Variants in RABL2A observed in about 807,000 individuals in gnomAD.
RABL2A encodes the protein rab-like protein 2A.
In RABL2A, 17 loss-of-function variants were observed where a neutral mutation model predicts 30.7. The ratio of observed to expected loss-of-function variants is 0.55; its 90% CI spans 0.38 to 0.83. The LOEUF (loss-of-function observed/expected upper bound fraction) is 0.83. Among genes scored for constraint, RABL2A ranks in the 40% least tolerant of loss-of-function variants. The probability of loss-of-function intolerance (pLI) is 0.00; values close to 1 mark genes in which losing one functional copy is unlikely to be tolerated. For synonymous variants in RABL2A, 64 were observed against 101.8 expected (o/e 0.63, Z 2.24); for missense variants, 155 against 272.6 (o/e 0.57, Z 3.04).
At chr2:113,639,636 C>T (rs1249630674) in intron 5 of RABL2A, among the ~76,000 whole-genome samples, 39 of 130,994 alleles carry the variant, frequency 3.0e-4, no homozygotes, top group Admixed American at 2.8e-3. Flanking sequence ...TATGGAGATC[C>T]CTTGAGATCA....
chr2:113,641,889 G>A, intron 8 of RABL2A, 25 bp downstream of exon 8: 1 of 1,314,716 alleles, frequency 7.6e-7, no homozygotes. Flanking sequence ...CATTTCGGGT[G>A]GGATGGAAGA....
chr2:113,627,627 T>C (rs1667098), intron 1 of RABL2A, among the ~76,000 whole-genome samples: 105,682 of 152,110 alleles, frequency 0.69, 38,256 homozygotes, highest in African/African-American at 0.92. Context: ...GGCGAGGACA[T>C]CGACAAGCAA....
At chr2:113,632,284 G>A (rs578190756) in intron 2 of RABL2A, among the ~76,000 whole-genome samples, 28 of 152,344 alleles carry the variant, frequency 1.8e-4, no homozygotes, top group Non-Finnish European at 3.2e-4. Flanking sequence ...TGAAAGAAAT[G>A]GGGGACCACT....
rs552197249 is a variant in RABL2A at position 113,640,904 on chromosome 2, T to C, written c.308T>C (p.Ile103Thr). ...CTCTGCCCTTTGCAGGTGTTTGATA[T>C]ACAGAGGAAAGTCACCTATAGGAAC... is the stretch of plus-strand genomic sequence containing the variant. ...KAHACIMVFD[I>T]QRKVTYRNLS... is the part of the protein sequence containing the mutation. Residue 103 changes from isoleucine (I) to threonine (T), a missense_variant, in exon 6 of 9, where the codon ATA becomes ACA. By Grantham distance (89) the Ile-to-Thr change is moderately conservative (BLOSUM62 -1). Transcript: ENST00000683472. 1 of 1,613,902 alleles carries C rather than the reference T, an allele frequency of 6.2e-7. No homozygotes were observed. Among genetic ancestry groups the C allele is most frequent in the African/African-American group, 1.3e-5 (1 of 75,018 alleles).
chr2:113,641,502 G>C (rs1469159809), intron 7 of RABL2A, 52 bp downstream of exon 7: 2 of 1,611,562 alleles, frequency 1.2e-6, no homozygotes, highest in African/African-American at 2.7e-5. Flanking sequence ...AGGTGGTAAA[G>C]GGAAGCTGTG....
At chr2:113,627,588 T>C (rs569992116) in intron 1 of RABL2A, among the ~76,000 whole-genome samples, 188 bp downstream of exon 1, 1 of 152,202 alleles carries the variant, frequency 6.6e-6, no homozygotes, top group Non-Finnish European at 1.5e-5. Flanking sequence ...CCAAAAACAT[T>C]TATCGAAAGA....
chr2:113,633,763 G>A, intron 3 of RABL2A: 1 of 255,272 alleles, frequency 3.9e-6, no homozygotes, highest in Admixed American at 4.6e-5. Flanking sequence ...TTCTGTCCCT[G>A]GAATGGTCAT....
intron 2 of RABL2A, among the ~76,000 whole-genome samples, chr2:113,629,189 C>T (rs989399081): frequency 6.6e-6 from 1 of 152,170 alleles, no homozygotes; most frequent in African/African-American, 2.4e-5. Context: ...CTACATGCCA[C>T]CTGGAGAGGT....
At chr2:113,634,675 C>T in intron 4 of RABL2A, 1 of 414,950 alleles carries the variant, frequency 2.4e-6, no homozygotes, top group Non-Finnish European at 4.5e-6. Context: ...GGCACACAGC[C>T]TGCCTGACTC....
intron 1 of RABL2A, among the ~76,000 whole-genome samples, 197 bp downstream of exon 1, chr2:113,627,597 G>T (rs1196240995): frequency 6.6e-6 from 1 of 152,212 alleles, no homozygotes; most frequent in African/African-American, 2.4e-5. Context: ...TTTATCGAAA[G>T]ATAGCATACC....
Position 113,642,894 on chromosome 2 carries a change from G to A in RABL2A, c.*765G>A. 3.4e-6 allele frequency: 1 copy of A among 296,322 alleles called. No homozygotes were observed. The highest frequency in any genetic ancestry group is 6.6e-6 in the Non-Finnish European group (1 of 152,016). The allele number at this position is 296,322 out of a possible 1,614,324, so 18.4% of individuals were successfully genotyped here. On this transcript the variant is annotated 3_prime_UTR_variant, in exon 9 of 9. Transcript: ENST00000683472. ...GCCCGCCTCGGCCTCCCAAAGTGCTGGGATTACAGGCATGAGCCACCGCGC... is the reference window on the plus strand; with the variant it reads ...GCCCGCCTCGGCCTCCCAAAGTGCTAGGATTACAGGCATGAGCCACCGCGC...
intron 2 of RABL2A, among the ~76,000 whole-genome samples, chr2:113,631,885 G>A (rs978686659): frequency 2.0e-5 from 3 of 151,860 alleles, no homozygotes; most frequent in East Asian, 1.9e-4. Flanking sequence ...CTCTGGCCAC[G>A]GTAATTTCTT....
chr2:113,630,824 C>G (rs960295640), intron 2 of RABL2A, among the ~76,000 whole-genome samples: 2 of 152,124 alleles, frequency 1.3e-5, no homozygotes, highest in African/African-American at 2.4e-5. Context: ...CAGGTGTGAG[C>G]CACTGCACCC....
In RABL2A at chr2:113,643,053, C is replaced by A; in HGVS notation, c.*924C>A. ...ATCACAGGAACAGCAGGTGACAGGCCTAGCTATAGTTAGGAATACACAAGC... is the reference window on the plus strand; with the variant it reads ...ATCACAGGAACAGCAGGTGACAGGCATAGCTATAGTTAGGAATACACAAGC... On this transcript the variant is annotated 3_prime_UTR_variant, in exon 9 of 9. Transcript: ENST00000683472. 2.3e-6 allele frequency: 1 copy of A among 432,786 alleles called. No individual in the cohort carries two copies. The highest frequency in any genetic ancestry group is 4.6e-6 in the Non-Finnish European group (1 of 218,566). The allele number at this position is 432,786 out of a possible 1,614,324, so 26.8% of individuals were successfully genotyped here. A position where few individuals can be genotyped will look rare whatever the true frequency, so the allele number is the denominator to read the frequency against.
At chr2:113,630,985 C>T (rs1421345383) in intron 2 of RABL2A, among the ~76,000 whole-genome samples, 1 of 152,102 alleles carries the variant, frequency 6.6e-6, no homozygotes, top group Non-Finnish European at 1.5e-5. Flanking sequence ...GCAACCTCCG[C>T]CTCCCAGGTT....
intron 5 of RABL2A, chr2:113,639,923 G>A (rs1684477099): frequency 6.6e-6 from 1 of 151,450 alleles, no homozygotes; most frequent in South Asian, 2.1e-4. Context: ...AGAGGCCCAG[G>A]TGGGAGGATC....
rs559867837 is a variant in RABL2A, at chr2:113,642,655, G to A, written c.*526G>A. 6.9e-5 allele frequency: 14 copies of A among 203,668 alleles called. No individual in the cohort carries two copies. The highest frequency in any genetic ancestry group is 2.1e-4 in the Admixed American group (4 of 18,702). 12.6% of individuals were successfully genotyped at this position (203,668 alleles called of 1,614,324 possible). On this transcript the variant is annotated 3_prime_UTR_variant, in exon 9 of 9. Transcript: ENST00000683472. ...ATCTGGTTTGTTTGTTTCTTTGTTC[G>A]TCCTGAGACGGAGTCTCGCTCTGTC...
intron 2 of RABL2A, among the ~76,000 whole-genome samples, chr2:113,632,100 A>G (rs1279037380): frequency 1.3e-5 from 2 of 152,162 alleles, no homozygotes; most frequent in Non-Finnish European, 2.9e-5. Flanking sequence ...AAAGGTTGCA[A>G]TGTCAAGAGA....
chr2:113,632,876 G>A lies in RABL2A; in HGVS notation c.108-39G>A, dbSNP rs1172528672. On this transcript the variant is annotated intron_variant, in intron 2 of 8. Transcript: ENST00000683472. Reference sequence around the variant, plus strand: ...AAAAAGTCTGGGACAAGGGAGAGATGGAGACGCCATCTGACCACCTTGCCT... The same window carrying A: ...AAAAAGTCTGGGACAAGGGAGAGATAGAGACGCCATCTGACCACCTTGCCT... 1.9e-6 allele frequency: 3 copies of A among 1,614,060 alleles called. No individual in the cohort carries two copies. In the African/African-American group the frequency reaches 4.0e-5, roughly 22 times the overall value.
Sources: gnomAD v4.1 joint callset for allele counts (sites outside exome capture counted in the v4.1 genomes callset) on GRCh38, gnomAD v4.1.1 for gene constraint, MANE v1.5 for transcripts, NCBI Gene and HGNC (gene_info 2026-07-23, HGNC 2026-07-21) for gene names.